PDE4D: variants seen among roughly 807,000 people sequenced by gnomAD.
The protein encoded by PDE4D is 3',5'-cyclic-AMP phosphodiesterase 4D.
A neutral mutation model predicts 87.4 loss-of-function variants in PDE4D; 24 were observed. That is an observed-to-expected ratio of 0.27 (90% confidence interval 0.20 to 0.39). PDE4D has a LOEUF of 0.39. PDE4D is among the 10% of genes least tolerant of loss of function. The pLI, the probability that PDE4D is intolerant of heterozygous loss-of-function variation, is 1.00. For missense variants in PDE4D, 714 were observed against 1,041.0 expected, an observed-to-expected ratio of 0.69 and a Z score of 4.32; for synonymous variants, 384 against 383.2, an observed-to-expected ratio of 1.00 and a Z score of -0.02.
chr5:59,535,315 T>C (rs1405662047), intron 1 of PDE4D, among the ~76,000 whole-genome samples: 2 of 152,168 alleles, frequency 1.3e-5, no homozygotes, highest in African/African-American at 2.4e-5. Context: ...TTTCTGGGTG[T>C]CTGGCCCAGG....
chr5:59,730,280 C>T (rs1029294803), intron 1 of PDE4D, among the ~76,000 whole-genome samples: 5 of 152,008 alleles, frequency 3.3e-5, no homozygotes, highest in Non-Finnish European at 5.9e-5. Context: ...TGCAAAGCTT[C>T]GTAGATACTA....
At chr5:59,416,702 A>G (rs911049419) in intron 1 of PDE4D, among the ~76,000 whole-genome samples, 9 of 152,192 alleles carry the variant, frequency 5.9e-5, no homozygotes, top group Non-Finnish European at 1.2e-4. Context: ...TTTTATGTTA[A>G]TCAGAGTAAA....
intron 1 of PDE4D, among the ~76,000 whole-genome samples, chr5:59,695,533 G>A (rs909744580): frequency 2.6e-5 from 4 of 152,236 alleles, no homozygotes; most frequent in Admixed American, 2.6e-4. Flanking sequence ...ATGCATATTG[G>A]ACCTTGAAGT....
intron 5 of PDE4D, among the ~76,000 whole-genome samples, chr5:59,113,681 TG>T (rs1393299217): frequency 6.6e-6 from 1 of 152,200 alleles, no homozygotes; most frequent in Non-Finnish European, 1.5e-5. Context: ...ATAAGCATTG[TG>T]TTAGGTGACC....
chr5:60,481,619 G>C (rs1027218448), intron 1 of PDE4D, among the ~76,000 whole-genome samples: 1 of 152,090 alleles, frequency 6.6e-6, no homozygotes, highest in African/African-American at 2.4e-5. Context: ...AATGAATTTT[G>C]ATTAGCCATT....
In PDE4D at chr5:59,163,001, TG is replaced by T. The variant is rs1054416136; in HGVS notation, c.808+17593del. 7.2e-5 allele frequency among the ~76,000 whole-genome samples: 11 copies of T among 151,860 alleles called. No homozygotes were observed. The South Asian group carries it at 1.2e-3, about 17-fold the overall frequency. On this transcript the variant is annotated intron_variant, in intron 5 of 14. Transcript: ENST00000340635. ...CTCTGTCACCCAGGTTGGAGTACAGTGGCATGATCTCACCTCTGCCTCCCGG... is the reference window on the plus strand; with the variant it reads ...CTCTGTCACCCAGGTTGGAGTACAGTGCATGATCTCACCTCTGCCTCCCGG...
intron 1 of PDE4D, among the ~76,000 whole-genome samples, chr5:60,334,614 C>T (rs1461511387): frequency 1.3e-5 from 2 of 151,864 alleles, no homozygotes; most frequent in African/African-American, 4.8e-5. Flanking sequence ...TCCTTTATCC[C>T]ATTGTGGGTA....
chr5:59,226,801 G>A (rs115430244), intron 1 of PDE4D, among the ~76,000 whole-genome samples: 4,372 of 152,204 alleles, frequency 0.029, 225 homozygotes, highest in African/African-American at 0.1. Context: ...ACTTCAAGTA[G>A]TAAACATATA....
rs900837040 is a variant in PDE4D, at chr5:59,586,785, C to A, written c.455+306383G>T. Reference sequence around the variant, plus strand: ...GAAGAAAGGAGTCAAAAGACAGTTTCTTGATATCCTTGTTAAAGAAGTGTT... The same window carrying A: ...GAAGAAAGGAGTCAAAAGACAGTTTATTGATATCCTTGTTAAAGAAGTGTT... On this transcript the variant is annotated intron_variant, in intron 1 of 14. Coordinates refer to ENST00000340635, the MANE Select transcript of PDE4D (RefSeq NM_001104631.2). 9.1e-6 allele frequency: 9 copies of A among 985,296 alleles called. No homozygotes were observed. In the African/African-American group the frequency reaches 1.6e-4, roughly 17 times the overall value. The allele number at this position is 985,296 out of a possible 1,614,324, so 61.0% of individuals were successfully genotyped here.
At chr5:60,331,890 G>A (rs977115450) in intron 1 of PDE4D, among the ~76,000 whole-genome samples, 7 of 152,094 alleles carry the variant, frequency 4.6e-5, no homozygotes, top group Non-Finnish European at 7.3e-5. Flanking sequence ...TGCTTCAGTA[G>A]CTATTTTATA....
intron 1 of PDE4D, among the ~76,000 whole-genome samples, chr5:59,551,253 T>C (rs1278010274): frequency 6.6e-6 from 1 of 150,542 alleles, no homozygotes; most frequent in African/African-American, 2.4e-5. Flanking sequence ...TTAACTAAAC[T>C]ACTTTTTAGT....
At chr5:60,304,570 G>A (rs533092060) in intron 1 of PDE4D, among the ~76,000 whole-genome samples, 1 of 149,754 alleles carries the variant, frequency 6.7e-6, no homozygotes, top group African/African-American at 2.5e-5. Context: ...GCGTGAACCC[G>A]GGAAGCGGAG....
At chr5:59,198,303 G>A (rs559978643) in intron 2 of PDE4D, among the ~76,000 whole-genome samples, 1 of 151,626 alleles carries the variant, frequency 6.6e-6, no homozygotes, top group South Asian at 2.1e-4. Context: ...TTTTGACACT[G>A]CGTGTCTATA....
At chr5:59,993,178 T>C (rs913271411) in intron 2 of PDE4D, among the ~76,000 whole-genome samples, 1 of 152,194 alleles carries the variant, frequency 6.6e-6, no homozygotes, top group African/African-American at 2.4e-5. Context: ...CCGGGTCTTA[T>C]TCCAGATCTT....
intron 6 of PDE4D, among the ~76,000 whole-genome samples, chr5:59,018,340 G>A (rs1483646684): frequency 2.0e-5 from 3 of 152,190 alleles, no homozygotes; most frequent in African/African-American, 2.4e-5. Flanking sequence ...CACTCTTCAT[G>A]AATAACTGTC....
At chr5:60,416,339 C>A (rs902313288) in intron 1 of PDE4D, among the ~76,000 whole-genome samples, 1 of 152,338 alleles carries the variant, frequency 6.6e-6, no homozygotes, top group South Asian at 2.1e-4. Flanking sequence ...TCCCCTTCCA[C>A]ACTGTAGAAG....
chr5:60,258,978 T>G (rs1198307383), intron 1 of PDE4D, among the ~76,000 whole-genome samples: 1 of 152,006 alleles, frequency 6.6e-6, no homozygotes, highest in Non-Finnish European at 1.5e-5. Flanking sequence ...ACAATGGCTA[T>G]TCTTTGGTAG....
intron 1 of PDE4D, among the ~76,000 whole-genome samples, chr5:59,785,774 G>A (rs79308656): frequency 9.6e-4 from 146 of 152,254 alleles, no homozygotes; most frequent in Non-Finnish European, 1.2e-3. Context: ...CATCCATACC[G>A]AAGGATGGTA....
intron 2 of PDE4D, among the ~76,000 whole-genome samples, chr5:60,010,231 T>C (rs1208209336): frequency 6.6e-6 from 1 of 152,164 alleles, no homozygotes. Context: ...AACTTTTATA[T>C]GTCTACTCAT....
Sources: allele counts gnomAD v4.1 joint callset (sites outside exome capture counted in the v4.1 genomes callset), GRCh38; gene constraint gnomAD v4.1.1; transcripts MANE v1.5; gene names NCBI Gene and HGNC (gene_info 2026-07-23, HGNC 2026-07-21).